The following ADCY9 variants were observed in gnomAD, a reference collection of about 807,000 sequenced individuals.
The protein encoded by ADCY9 is adenylate cyclase 9, also known as adenylate cyclase type 9.
A neutral mutation model predicts 101.5 loss-of-function variants in ADCY9; 50 were observed. The ratio of observed to expected loss-of-function variants is 0.49; its 90% confidence interval spans 0.39 to 0.62. The LOEUF (loss-of-function observed/expected upper bound fraction) is 0.62. ADCY9 is among the 20% of genes least tolerant of loss of function. The pLI, the probability that ADCY9 is intolerant of heterozygous loss-of-function variation, is 0.00. For missense variants in ADCY9, 1,662 were observed against 1,800.4 expected, an observed-to-expected ratio of 0.92 and a Z score of 1.39; for synonymous variants, 905 against 769.3, an observed-to-expected ratio of 1.18 and a Z score of -2.92.
chr16:4,110,560 T>C (rs1179929664), intron 2 of ADCY9, among the ~76,000 whole-genome samples: 3 of 152,010 alleles, frequency 2.0e-5, no homozygotes, highest in Admixed American at 6.5e-5. Context: ...AGGCTAATTT[T>C]TGTATTTTTA....
At chr16:3,990,252 G>C (rs57194188) in intron 5 of ADCY9, among the ~76,000 whole-genome samples, 3,663 of 152,190 alleles carry the variant, frequency 0.024, 154 homozygotes, top group African/African-American at 0.085. Flanking sequence ...GATCACCTGA[G>C]GTCAGGAGCT....
At chr16:3,983,069 T>G (rs2056157667) in intron 7 of ADCY9, 163 bp downstream of exon 7, 2 of 695,590 alleles carry the variant, frequency 2.9e-6, no homozygotes, top group Non-Finnish European at 4.7e-6. Context: ...GGAGGGAGGA[T>G]GCTGGGGCAC....
intron 2 of ADCY9, among the ~76,000 whole-genome samples, chr16:4,085,376 G>A (rs914363730): frequency 6.6e-6 from 1 of 152,008 alleles, no homozygotes; most frequent in Non-Finnish European, 1.5e-5. Context: ...ATGAAGGAGA[G>A]AGAGAAGGCA....
At chr16:3,973,152 T>C (rs1309973095) in intron 10 of ADCY9, among the ~76,000 whole-genome samples, 1 of 152,242 alleles carries the variant, frequency 6.6e-6, no homozygotes, top group Non-Finnish European at 1.5e-5. Context: ...TGAGTAAATG[T>C]ATAATCAGTT....
chr16:4,008,382 C>A (rs2056381544), intron 2 of ADCY9, among the ~76,000 whole-genome samples: 1 of 151,946 alleles, frequency 6.6e-6, no homozygotes, highest in South Asian at 2.1e-4. Context: ...TAGAAAGAGC[C>A]CAAGGAATTT....
chr16:4,063,235 C>A (rs11862162), intron 2 of ADCY9, among the ~76,000 whole-genome samples: 25,136 of 151,836 alleles, frequency 0.17, 2,202 homozygotes, highest in African/African-American at 0.23. Context: ...GAAAACATAT[C>A]TAAAGGATTC....
At chr16:4,004,035 T>C (rs1017564058) in intron 3 of ADCY9, among the ~76,000 whole-genome samples, 2 of 151,054 alleles carry the variant, frequency 1.3e-5, no homozygotes, top group African/African-American at 2.4e-5. Flanking sequence ...GGCAGGAGGA[T>C]GGTATAACCC....
intron 2 of ADCY9, among the ~76,000 whole-genome samples, chr16:4,104,390 C>T (rs180674040): frequency 6.6e-6 from 1 of 152,076 alleles, no homozygotes; most frequent in East Asian, 1.9e-4. Flanking sequence ...TAATAGTGTA[C>T]AAAAAAAGAT....
intron 2 of ADCY9, among the ~76,000 whole-genome samples, chr16:4,083,744 G>C (rs1185727670): frequency 6.6e-6 from 1 of 152,224 alleles, no homozygotes; most frequent in Admixed American, 6.5e-5. Flanking sequence ...CTCAGTGAGA[G>C]AAGCCAGTCA....
chr16:4,056,170 G>A (rs1048437843), intron 2 of ADCY9, among the ~76,000 whole-genome samples: 1 of 152,350 alleles, frequency 6.6e-6, no homozygotes, highest in South Asian at 2.1e-4. Flanking sequence ...TTCAACATCA[G>A]CTCTCAACAT....
At position 3,977,504 on chromosome 16, in the gene ADCY9, A is replaced by C. The variant is rs1169192126; in HGVS notation, c.2806T>G (p.Tyr936Asp). The stretch of plus-strand genomic sequence containing the variant: ...TACCTGTCTGGGCACAGGGAGACGT[A>C]GAGCAGGAGCAGCGGCCCGGCCCCC... ...VVGAGPLLLL[Y>D]VSLCPDSSVL... The change falls in exon 9 of 11, where the codon TAC (tyrosine) becomes GAC (aspartate). Residue 936 changes from tyrosine (Y) to aspartate (D), a missense_variant. Physicochemically the swap from Tyr to Asp is radical, Grantham distance 160 (BLOSUM62 -3). Transcript: ENST00000294016. 4 of 1,575,148 alleles carry C rather than the reference A, an allele frequency of 2.5e-6. No homozygotes were observed. Among genetic ancestry groups the C allele is most frequent in the Non-Finnish European group, 3.4e-6 (4 of 1,160,578 alleles).
At chr16:4,043,980 T>C in intron 2 of ADCY9, among the ~76,000 whole-genome samples, 1 of 152,176 alleles carries the variant, frequency 6.6e-6, no homozygotes, top group East Asian at 1.9e-4. Flanking sequence ...TAGGCAGACA[T>C]TGAATGCTAG....
intron 2 of ADCY9, among the ~76,000 whole-genome samples, chr16:4,041,173 T>G (rs1332051459): frequency 6.6e-6 from 1 of 152,160 alleles, no homozygotes; most frequent in Non-Finnish European, 1.5e-5. Flanking sequence ...ACACTCATCC[T>G]TCTCTGAATT....
At chr16:4,096,062 G>C (rs2057002068) in intron 2 of ADCY9, among the ~76,000 whole-genome samples, 1 of 151,172 alleles carries the variant, frequency 6.6e-6, no homozygotes, top group Admixed American at 6.6e-5. Flanking sequence ...AGGAAACCAT[G>C]TGTAAATTAT....
intron 2 of ADCY9, among the ~76,000 whole-genome samples, chr16:4,041,579 A>T (rs1381937369): frequency 6.7e-6 from 1 of 150,032 alleles, no homozygotes; most frequent in Non-Finnish European, 1.5e-5. Context: ...GGAAGACTTG[A>T]TTGCAGTAGC....
intron 2 of ADCY9, among the ~76,000 whole-genome samples, chr16:4,050,634 A>C (rs1365846603): frequency 6.9e-6 from 1 of 145,430 alleles, no homozygotes; most frequent in Non-Finnish European, 1.5e-5. Context: ...GAACTGCTTG[A>C]ACCGGGAGGC....
intron 2 of ADCY9, among the ~76,000 whole-genome samples, chr16:4,106,513 G>A (rs372740981): frequency 5.3e-4 from 81 of 152,306 alleles, no homozygotes; most frequent in African/African-American, 1.8e-3. Flanking sequence ...TGTTGGAAAA[G>A]GTCTTGAGGT....
chr16:4,031,010 G>C (rs981468389), intron 2 of ADCY9, among the ~76,000 whole-genome samples: 1 of 151,628 alleles, frequency 6.6e-6, no homozygotes, highest in African/African-American at 2.4e-5. Flanking sequence ...AATGCCAATA[G>C]CAGTAAAGAA....
intron 2 of ADCY9, among the ~76,000 whole-genome samples, chr16:4,008,198 C>T (rs2056380161): frequency 7.3e-6 from 1 of 136,990 alleles, no homozygotes; most frequent in Non-Finnish European, 1.7e-5. Context: ...CAAAATCCCG[C>T]ATATAGAAAA....
Sources: allele counts gnomAD v4.1 joint callset (sites outside exome capture counted in the v4.1 genomes callset), GRCh38; gene constraint gnomAD v4.1.1; transcripts MANE v1.5; gene names NCBI Gene and HGNC (gene_info 2026-07-23, HGNC 2026-07-21).